CDH13: variants seen among roughly 807,000 people sequenced by gnomAD.
The protein encoded by CDH13 is cadherin 13, also known as cadherin-13.
Under a neutral mutation model 63.8 loss-of-function variants are expected in CDH13, and 24 were observed. The observed-to-expected ratio is 0.38, with a 90% CI of 0.27 to 0.53. CDH13 has a LOEUF of 0.53. Ranked by LOEUF, CDH13 falls within the 20% of genes least tolerant of loss-of-function variation. The probability of loss-of-function intolerance (pLI) is 0.85; values close to 1 mark genes in which losing one functional copy is unlikely to be tolerated. For synonymous variants in CDH13, 503 were observed against 355.3 expected, an observed-to-expected ratio of 1.42 and a Z score of -4.67; for missense variants, 1,049 against 903.1, an observed-to-expected ratio of 1.16 and a Z score of -2.07.
chr16:83,038,725 C>T (rs1917082230), intron 3 of CDH13, among the ~76,000 whole-genome samples: 1 of 152,214 alleles, frequency 6.6e-6, no homozygotes, highest in South Asian at 2.1e-4. Flanking sequence ...AAGCTCCATG[C>T]TTCGTTCCTC....
intron 7 of CDH13, among the ~76,000 whole-genome samples, chr16:83,513,119 C>A (rs1009954845): frequency 6.6e-6 from 1 of 151,998 alleles, no homozygotes; most frequent in South Asian, 2.1e-4. Flanking sequence ...TGTCTTCGAG[C>A]CTATAATGCC....
chr16:82,984,108 G>A (rs1029324787), intron 2 of CDH13, among the ~76,000 whole-genome samples: 5 of 152,194 alleles, frequency 3.3e-5, no homozygotes, highest in Admixed American at 6.5e-5. Context: ...AATCACATGG[G>A]AGGCCATTAA....
At chr16:83,695,977 C>T (rs2150899775) in intron 10 of CDH13, among the ~76,000 whole-genome samples, 1 of 152,054 alleles carries the variant, frequency 6.6e-6, no homozygotes, top group South Asian at 2.1e-4. Flanking sequence ...ACAACCTCTG[C>T]CTCCTGGGCT....
rs1597183478 is a variant in CDH13 at position 83,032,234 on chromosome 16, G to T, written c.366+16G>T. ...CTCCTTGCAGGTAACACATCTGTTT[G>T]AGATAACTTGGGTTCAAGGAGGACA... On this transcript the variant is annotated intron_variant, in intron 3 of 13. Coordinates refer to ENST00000567109, the MANE Select transcript of CDH13 (RefSeq NM_001257.5). 1 of 1,604,962 alleles carries T rather than the reference G, an allele frequency of 6.2e-7. No individual in the cohort carries two copies. Among genetic ancestry groups the T allele is most frequent in the Non-Finnish European group, 8.5e-7 (1 of 1,172,514 alleles).
intron 5 of CDH13, among the ~76,000 whole-genome samples, chr16:83,293,748 G>T (rs765014541): frequency 6.6e-6 from 1 of 152,076 alleles, no homozygotes; most frequent in African/African-American, 2.4e-5. Flanking sequence ...GTCATGAACC[G>T]GGTTGGAAAG....
intron 7 of CDH13, among the ~76,000 whole-genome samples, chr16:83,578,134 T>C (rs145288479): frequency 2.2e-3 from 333 of 152,344 alleles, no homozygotes; most frequent in African/African-American, 7.6e-3. Context: ...CTTGGTGGAT[T>C]TGAATACATT....
At chr16:83,081,226 A>G (rs1012207336) in intron 3 of CDH13, among the ~76,000 whole-genome samples, 1 of 152,088 alleles carries the variant, frequency 6.6e-6, no homozygotes, top group Non-Finnish European at 1.5e-5. Flanking sequence ...AAATCAGTCT[A>G]GCCATTGAAT....
At chr16:83,453,311 A>T (rs767337262) in intron 6 of CDH13, among the ~76,000 whole-genome samples, 1 of 152,182 alleles carries the variant, frequency 6.6e-6, no homozygotes, top group Non-Finnish European at 1.5e-5. Flanking sequence ...ACAAATTACC[A>T]CTAAAGAACT....
At position 83,779,188 on chromosome 16, in the gene CDH13, C is replaced by T. The variant is rs1346244196; in HGVS notation, c.1682-780C>T. ...TTGGGAGGCCTAGGCAGGCGGATCA[C>T]GAGGTCAGGAGTTTGAGACCAGCCT... is the stretch of plus-strand genomic sequence containing the variant. On this transcript the variant is annotated intron_variant, in intron 11 of 13. Coordinates refer to ENST00000567109, the MANE Select transcript of CDH13 (RefSeq NM_001257.5). 3.3e-5 allele frequency among the ~76,000 whole-genome samples: 5 copies of T among 151,868 alleles called. No homozygotes were observed. The South Asian group carries it at 6.2e-4, about 19-fold the overall frequency.
chr16:83,318,941 C>G (rs1412693173), intron 5 of CDH13, among the ~76,000 whole-genome samples: 1 of 150,752 alleles, frequency 6.6e-6, no homozygotes, highest in African/African-American at 2.4e-5. Context: ...GAGTAAAAAA[C>G]AAAAAAAGCA....
chr16:83,708,742 G>C (rs946942956), intron 10 of CDH13, among the ~76,000 whole-genome samples: 1 of 152,192 alleles, frequency 6.6e-6, no homozygotes, highest in South Asian at 2.1e-4. Context: ...GAAGGAGGCA[G>C]GGCCAAGCGC....
chr16:82,641,928 G>T (rs527311727), intron 1 of CDH13, among the ~76,000 whole-genome samples: 1 of 152,134 alleles, frequency 6.6e-6, no homozygotes, highest in Non-Finnish European at 1.5e-5. Flanking sequence ...AGGCGAGGGG[G>T]TAGATAGCGA....
chr16:83,097,583 C>T (rs1373170644), intron 3 of CDH13, among the ~76,000 whole-genome samples: 2 of 152,198 alleles, frequency 1.3e-5, no homozygotes, highest in African/African-American at 4.8e-5. Context: ...GTGACAACTC[C>T]TTCCTTCCTA....
At chr16:83,414,335 A>G (rs983228274) in intron 6 of CDH13, among the ~76,000 whole-genome samples, 1 of 152,222 alleles carries the variant, frequency 6.6e-6, no homozygotes, top group African/African-American at 2.4e-5. Context: ...CTTTTAAAGT[A>G]TATTCACAGG....
chr16:82,867,938 C>T (rs2040208049), intron 2 of CDH13, among the ~76,000 whole-genome samples: 1 of 152,150 alleles, frequency 6.6e-6, no homozygotes, highest in Non-Finnish European at 1.5e-5. Context: ...GATTCTTTTA[C>T]TTTTGCTTTC....
chr16:83,235,144 G>A (rs1462479453), intron 5 of CDH13, among the ~76,000 whole-genome samples: 1 of 152,170 alleles, frequency 6.6e-6, no homozygotes, highest in Non-Finnish European at 1.5e-5. Context: ...GTTCAAGGCT[G>A]CGGTGAACTA....
At chr16:82,806,005 T>C (rs779508334) in intron 1 of CDH13, among the ~76,000 whole-genome samples, 15 of 152,204 alleles carry the variant, frequency 9.9e-5, no homozygotes, top group Non-Finnish European at 2.2e-4. Flanking sequence ...CTAATTTTCA[T>C]TGAGCTTACA....
intron 2 of CDH13, among the ~76,000 whole-genome samples, chr16:82,885,247 A>T (rs1221705415): frequency 6.6e-6 from 1 of 152,206 alleles, no homozygotes; most frequent in African/African-American, 2.4e-5. Flanking sequence ...GTCTGGTTAC[A>T]AAAACAAAAC....
At chr16:82,912,760 G>A (rs544663390) in intron 2 of CDH13, among the ~76,000 whole-genome samples, 150 of 152,174 alleles carry the variant, frequency 9.9e-4, no homozygotes, top group Non-Finnish European at 1.9e-3. Context: ...TGGCTAATAC[G>A]GTGAAACCCC....
Sources: gnomAD v4.1 joint callset for allele counts (sites outside exome capture counted in the v4.1 genomes callset) on GRCh38, gnomAD v4.1.1 for gene constraint, MANE v1.5 for transcripts, NCBI Gene and HGNC (gene_info 2026-07-23, HGNC 2026-07-21) for gene names.